The following SCARB1 variants were observed in gnomAD, a reference collection of about 807,000 sequenced individuals.
SCARB1 encodes CD36 and LIMPII analogous 1.
In SCARB1, 30 loss-of-function variants were observed where a neutral mutation model predicts 57.2. The observed-to-expected ratio is 0.52, with a 90% CI of 0.39 to 0.71. The LOEUF is 0.71. Among genes scored for constraint, SCARB1 ranks in the 30% least tolerant of loss-of-function variants. SCARB1 has a pLI of 0.00. For missense variants in SCARB1, 543 were observed against 671.2 expected (o/e 0.81, Z 2.11); for synonymous variants, 249 against 268.3 (o/e 0.93, Z 0.70).
chr12:124,807,242 G>A lies in SCARB1; in HGVS notation c.1009+519C>T, dbSNP rs373396437. On this transcript the variant is annotated intron_variant, in intron 7 of 12. Transcript: ENST00000261693. The surrounding 1 kb of genome is among the most constrained non-coding windows in gnomAD (Gnocchi z 5.3). ...AACAAGATGGGGAGATTGTCCTGGGGTATCCAGGAGAGCACGATGTGGTCT... is the reference window on the plus strand; with the variant it reads ...AACAAGATGGGGAGATTGTCCTGGGATATCCAGGAGAGCACGATGTGGTCT... 1.2e-4 allele frequency among the ~76,000 whole-genome samples: 18 copies of A among 152,244 alleles called. No homozygotes were observed. The highest frequency in any genetic ancestry group is 3.4e-4 in the African/African-American group (14 of 41,544).
At chr12:124,787,590 A>G (rs570083212) in intron 9 of SCARB1, 133 bp from the exon 10 acceptor site, 18 of 750,324 alleles carry the variant, frequency 2.4e-5, no homozygotes, top group Non-Finnish European at 4.1e-5. Flanking sequence ...CCAAATATAA[A>G]CAATGAGCTG....
rs562058798 is a variant in SCARB1 at position 124,800,645 on chromosome 12, G to T, written c.1010-403C>A. On this transcript the variant is annotated intron_variant, in intron 7 of 12. Transcript: ENST00000261693. This position sits in a 1 kb window ranked among gnomAD's most constrained non-coding sequence, Gnocchi z 4.8. Reference sequence around the variant, plus strand: ...AAGGCAACGCCAGATTTGAACTTGGGTGTGGGGAGGGGAGTCTCAAGCGCA... The same window carrying T: ...AAGGCAACGCCAGATTTGAACTTGGTTGTGGGGAGGGGAGTCTCAAGCGCA... Among the ~76,000 whole-genome samples the T allele has an allele frequency of 9.2e-5, 14 of 152,328 alleles. No homozygotes were observed. The South Asian group carries it at 1.5e-3, about 16-fold the overall frequency.
intron 1 of SCARB1, among the ~76,000 whole-genome samples, chr12:124,829,402 G>A (rs1310447040): frequency 1.3e-5 from 2 of 152,080 alleles, no homozygotes; most frequent in East Asian, 1.9e-4. Flanking sequence ...TAAGATTAAA[G>A]TCAGAGCATG....
chr12:124,785,756 A>C, intron 11 of SCARB1: 1 of 351,650 alleles, frequency 2.8e-6, no homozygotes. Context: ...TACTTTGCAT[A>C]TATTTGGGTT....
chr12:124,836,038 C>T (rs996087570), intron 1 of SCARB1, among the ~76,000 whole-genome samples: 2 of 152,222 alleles, frequency 1.3e-5, no homozygotes, highest in Admixed American at 6.5e-5. Context: ...TTCATTCATT[C>T]ATTCACTCAG....
chr12:124,841,481 C>CA (rs1158202606), intron 1 of SCARB1, among the ~76,000 whole-genome samples: 3,149 of 107,808 alleles, frequency 0.029, 100 homozygotes, highest in East Asian at 0.1. Flanking sequence ...GACTCTGTCT[C>CA]AAAAAAAAAA....
chr12:124,835,170 T>C (rs1378619100), intron 1 of SCARB1, among the ~76,000 whole-genome samples: 1 of 152,092 alleles, frequency 6.6e-6, no homozygotes, highest in African/African-American at 2.4e-5. Context: ...GGAAAGTGTA[T>C]GGAGGCACGT....
intron 12 of SCARB1, among the ~76,000 whole-genome samples, chr12:124,778,940 G>A (rs985785605): frequency 3.9e-5 from 6 of 152,116 alleles, no homozygotes; most frequent in African/African-American, 1.4e-4. Flanking sequence ...GAGAACGTAT[G>A]TTTATGTGTT....
At chr12:124,799,305 G>C (rs117747073) in intron 8 of SCARB1, among the ~76,000 whole-genome samples, 1 of 152,018 alleles carries the variant, frequency 6.6e-6, no homozygotes, top group Non-Finnish European at 1.5e-5. Context: ...CAGGAGGATC[G>C]CTTGAGCCCA....
At chr12:124,862,084 C>A (rs1377373199) in intron 1 of SCARB1, among the ~76,000 whole-genome samples, 1 of 152,186 alleles carries the variant, frequency 6.6e-6, no homozygotes, top group Non-Finnish European at 1.5e-5. Context: ...CCTCTAGGGA[C>A]CCTGCATACA....
In SCARB1 at chr12:124,795,363, G is replaced by A. The variant is rs545828803; in HGVS notation, c.1129-95C>T. On this transcript the variant is annotated intron_variant, in intron 8 of 12. Coordinates refer to ENST00000261693, the MANE Select transcript of SCARB1 (RefSeq NM_005505.5). ...CCTGGTCCCAGTCAAGAGGGTGGGCGTCCCAGCTAACTGCCCAGTGGAGCT... is the reference window on the plus strand; with the variant it reads ...CCTGGTCCCAGTCAAGAGGGTGGGCATCCCAGCTAACTGCCCAGTGGAGCT... 167 of 1,011,046 alleles carry A rather than the reference G, an allele frequency of 1.7e-4. 1 individual carries two copies. In the South Asian group the frequency reaches 1.9e-3, roughly 11 times the overall value. 62.6% of individuals were successfully genotyped at this position (1,011,046 alleles called of 1,614,324 possible). A position where few individuals can be genotyped will look rare whatever the true frequency, so the allele number is the denominator to read the frequency against.
At chr12:124,818,160 G>A (rs748289205) in intron 1 of SCARB1, among the ~76,000 whole-genome samples, 8 of 152,214 alleles carry the variant, frequency 5.3e-5, no homozygotes, top group African/African-American at 1.9e-4. Flanking sequence ...GGGGATGGGA[G>A]AATGACCAGG....
At position 124,817,660 on chromosome 12, in the gene SCARB1, C is replaced by G; in HGVS notation, c.174G>C (p.Glu58Asp). The change falls in exon 2 of 13, where the codon GAG becomes GAC. Residue 58 changes from glutamate (E) to aspartate (D), a missense_variant. Transcript: ENST00000261693. The surrounding 1 kb of genome is among the most constrained non-coding windows in gnomAD (Gnocchi z 4.8). The stretch of plus-strand genomic sequence containing the variant: ...CGGAGAGATAGAAGGGGATAGGGAT[C>G]TCCTTCCACATGTTGAAGGACAGGC... ...PSSLSFNMWK[E>D]IPIPFYLSVY... 11 of 1,614,176 alleles carry G rather than the reference C, an allele frequency of 6.8e-6. No individual in the cohort carries two copies. Among genetic ancestry groups the G allele is most frequent in the Non-Finnish European group, 9.3e-6 (11 of 1,179,982 alleles).
rs773298594 is a variant in SCARB1, at chr12:124,810,181, C to T, written c.835G>A (p.Ala279Thr). ...CCGAGTCCCAGTGATTACCGGCAGG[C>T]CTCCGGGCTGTAGAACTCCAGCGAG... ...ESSLEFYSPEACRSMKLMYKE... is the reference protein window; with the variant it reads ...ESSLEFYSPETCRSMKLMYKE... Residue 279 changes from alanine to threonine, a missense_variant, in exon 6 of 13, where the codon GCC (alanine) becomes ACC (threonine). Physicochemically the swap from Ala to Thr is moderately conservative, Grantham distance 58. Coordinates refer to ENST00000261693, the MANE Select transcript of SCARB1 (RefSeq NM_005505.5). This position sits in a 1 kb window ranked among gnomAD's most constrained non-coding sequence, Gnocchi z 4.0. 16 of 1,611,578 alleles carry T rather than the reference C, an allele frequency of 9.9e-6. No homozygotes were observed. The highest frequency in any genetic ancestry group is 1.7e-5 in the Admixed American group (1 of 60,020).
intron 1 of SCARB1, among the ~76,000 whole-genome samples, chr12:124,837,534 G>GA (rs1387607740): frequency 6.3e-5 from 5 of 79,410 alleles, no homozygotes; most frequent in African/African-American, 2.8e-4. Context: ...GAAAGAAAAA[G>GA]AAAGAAAAGA....
intron 1 of SCARB1, among the ~76,000 whole-genome samples, chr12:124,860,790 T>C (rs1385859380): frequency 2.0e-5 from 3 of 152,156 alleles, no homozygotes; most frequent in Non-Finnish European, 2.9e-5. Context: ...AACAAGTCTA[T>C]AACCATTCAA....
chr12:124,814,833 G>T lies in SCARB1; in HGVS notation c.426+140C>A. The T allele has an allele frequency of 9.3e-7, 1 of 1,075,146 alleles. No homozygotes were observed. The highest frequency in any genetic ancestry group is 1.4e-6 in the Non-Finnish European group (1 of 724,224). The allele number at this position is 1,075,146 out of a possible 1,614,324, so 66.6% of individuals were successfully genotyped here. A position where few individuals can be genotyped will look rare whatever the true frequency, so the allele number is the denominator to read the frequency against. On this transcript the variant is annotated intron_variant, in intron 3 of 12. Coordinates refer to ENST00000261693, the MANE Select transcript of SCARB1 (RefSeq NM_005505.5). This position sits in a 1 kb window ranked among gnomAD's most constrained non-coding sequence, Gnocchi z 4.7. The stretch of plus-strand genomic sequence containing the variant: ...CACTGGGGGTGGTGGAGACAGCACA[G>T]GGCCGAAAGCCACCCACCAGGCGTG...
chr12:124,833,616 G>C, intron 1 of SCARB1, among the ~76,000 whole-genome samples: 1 of 152,080 alleles, frequency 6.6e-6, no homozygotes, highest in African/African-American at 2.4e-5. Flanking sequence ...CCCACCCAGA[G>C]ACCCCAGAGC....
At chr12:124,856,681 C>G (rs995358645) in intron 1 of SCARB1, among the ~76,000 whole-genome samples, 1 of 152,224 alleles carries the variant, frequency 6.6e-6, no homozygotes. Context: ...GGCTTTGCCC[C>G]ACATGTCCAA....
Sources: allele counts gnomAD v4.1 joint callset (sites outside exome capture counted in the v4.1 genomes callset), GRCh38; gene constraint gnomAD v4.1.1; non-coding constraint Gnocchi (gnomAD v3.1); transcripts MANE v1.5; gene names NCBI Gene and HGNC (gene_info 2026-07-23, HGNC 2026-07-21).